Variants in WDR49 observed in about 807,000 individuals in gnomAD.
WDR49 encodes WD repeat domain 49, also known as cilia- and flagella-associated protein 337.
A neutral mutation model predicts 119.5 loss-of-function variants in WDR49; 107 were observed. That is an observed-to-expected ratio of 0.90 (90% CI 0.77 to 1.05). The LOEUF (loss-of-function observed/expected upper bound fraction) is 1.05. Ranked by LOEUF, WDR49 falls within the 50% of genes least tolerant of loss-of-function variation. The pLI, the probability that WDR49 is intolerant of heterozygous loss-of-function variation, is 0.00. For synonymous variants in WDR49, 425 were observed against 418.8 expected (o/e 1.01, Z -0.18); for missense variants, 1,240 against 1,220.5 (o/e 1.02, Z -0.24).
At chr3:167,521,105 G>T (rs1192521470) in intron 16 of WDR49, among the ~76,000 whole-genome samples, 1 of 151,994 alleles carries the variant, frequency 6.6e-6, no homozygotes, top group Non-Finnish European at 1.5e-5. Flanking sequence ...GGAAACAGTG[G>T]AAAAGTTGGT....
intron 8 of WDR49, among the ~76,000 whole-genome samples, chr3:167,574,903 T>C (rs2108282929): frequency 6.6e-6 from 1 of 152,286 alleles, no homozygotes; most frequent in South Asian, 2.1e-4. Context: ...TTCCCGCAGA[T>C]GGAATTCAAA....
chr3:167,530,906 A>T (rs183946215), intron 13 of WDR49, among the ~76,000 whole-genome samples: 1 of 152,188 alleles, frequency 6.6e-6, no homozygotes, highest in East Asian at 1.9e-4. Flanking sequence ...AACACTGGAT[A>T]AATTAGTAGT....
At position 167,527,951 on chromosome 3, in the gene WDR49, G is replaced by A. The variant is rs776466122; in HGVS notation, c.2473C>T (p.Pro825Ser). ...KAPTLIRSFQ[P>S]HEDRISSLEM... The stretch of plus-strand genomic sequence containing the variant: ...AAGGAACTTATTCGGTCCTCATGAG[G>A]TTGGAATGATCTTATCAGAGTTGGG... Residue 825 changes from proline (P) to serine (S), a missense_variant, in exon 15 of 19, where the codon CCT becomes TCT. Physicochemically the swap from Pro to Ser is moderately conservative, Grantham distance 74. Coordinates refer to ENST00000682715, the MANE Select transcript of WDR49 (RefSeq NM_001366157.1). 2 of 1,613,290 alleles carry A rather than the reference G, an allele frequency of 1.2e-6. No homozygotes were observed. Among genetic ancestry groups the A allele is most frequent in the East Asian group, 4.5e-5 (2 of 44,820 alleles).
chr3:167,615,861 AT>A (rs1437134225), intron 5 of WDR49, among the ~76,000 whole-genome samples: 1 of 152,320 alleles, frequency 6.6e-6, no homozygotes, highest in African/African-American at 2.4e-5. Flanking sequence ...TGATAAATAA[AT>A]TATCCATTGT....
At chr3:167,613,185 T>A (rs1226807365) in intron 5 of WDR49, among the ~76,000 whole-genome samples, 5 of 152,150 alleles carry the variant, frequency 3.3e-5, no homozygotes, top group Non-Finnish European at 5.9e-5. Context: ...CTACTCTGTA[T>A]CCACACACAC....
intron 17 of WDR49, among the ~76,000 whole-genome samples, chr3:167,503,057 A>T (rs1010253348): frequency 2.0e-5 from 3 of 152,196 alleles, no homozygotes; most frequent in African/African-American, 7.2e-5. Context: ...GCATAGAAGG[A>T]ATACACCACT....
At chr3:167,521,542 G>A (rs993686664) in intron 16 of WDR49, among the ~76,000 whole-genome samples, 8 of 152,090 alleles carry the variant, frequency 5.3e-5, no homozygotes, top group Admixed American at 3.3e-4. Flanking sequence ...AAGCATGGTG[G>A]GAGTTTTATA....
At chr3:167,525,119 C>T (rs1273623416) in intron 15 of WDR49, among the ~76,000 whole-genome samples, 1 of 152,094 alleles carries the variant, frequency 6.6e-6, no homozygotes, top group Non-Finnish European at 1.5e-5. Context: ...AGAGGTCCTT[C>T]ATGTCCCTTG....
At chr3:167,482,441 G>A (rs1046198757) in intron 18 of WDR49, among the ~76,000 whole-genome samples, 2 of 151,808 alleles carry the variant, frequency 1.3e-5, no homozygotes, top group East Asian at 1.9e-4. Flanking sequence ...AGGCCGAGGC[G>A]GGCGGATCAT....
chr3:167,519,672 T>C (rs1468720128), intron 16 of WDR49, among the ~76,000 whole-genome samples: 2 of 151,874 alleles, frequency 1.3e-5, no homozygotes. Context: ...TCATGAAAAA[T>C]TGCTACTGCA....
chr3:167,527,670 G>A (rs1752684260), intron 15 of WDR49, 150 bp downstream of exon 15: 2 of 760,568 alleles, frequency 2.6e-6, no homozygotes, highest in Admixed American at 2.9e-5. Context: ...AACAGGGCAA[G>A]AGTCGCCTGG....
At chr3:167,602,389 G>T in intron 6 of WDR49, 114 bp from the exon 7 acceptor site, 1 of 910,498 alleles carries the variant, frequency 1.1e-6, no homozygotes, top group Non-Finnish European at 1.6e-6. Flanking sequence ...TCAACTGTAG[G>T]TTGACTAATG....
intron 18 of WDR49, among the ~76,000 whole-genome samples, chr3:167,481,705 C>A (rs1750723543): frequency 6.6e-6 from 1 of 152,112 alleles, no homozygotes. Context: ...AGGCAAAAAG[C>A]ACTTCTTACA....
In WDR49 at chr3:167,626,894, G is replaced by A. The variant is rs1055982018; in HGVS notation, c.564C>T (p.His188=). The change falls in exon 3 of 19, where the codon CAC becomes CAT. Residue 188 remains histidine, a synonymous_variant. Transcript: ENST00000682715. ...GAGAAACCAGACTTGTCACCCACAG[G>A]TGTTTGAGCTTGGTGGCATCTGAAG... ...PITSDATKLK[H]LWVTSLVSLE... is the part of the protein sequence containing the mutation. 1.2e-5 allele frequency: 15 copies of A among 1,261,138 alleles called. No individual in the cohort carries two copies. In the African/African-American group the frequency reaches 1.5e-4, roughly 13 times the overall value. 78.1% of individuals were successfully genotyped at this position (1,261,138 alleles called of 1,614,324 possible).
chr3:167,549,659 T>C (rs1577233044), intron 10 of WDR49, among the ~76,000 whole-genome samples: 1 of 152,340 alleles, frequency 6.6e-6, no homozygotes, highest in East Asian at 1.9e-4. Flanking sequence ...TTCACTCTGA[T>C]GGTAGTTTCT....
rs111942957 is a variant in WDR49 at position 167,624,609 on chromosome 3, A to G, written c.606+2243T>C. Among the ~76,000 whole-genome samples the G allele has an allele frequency of 8.8e-3, 1,340 of 152,164 alleles. 18 individuals are homozygous for G. The highest frequency in any genetic ancestry group is 0.027 in the African/African-American group (1,141 of 41,538). On this transcript the variant is annotated intron_variant, in intron 3 of 18. Coordinates refer to ENST00000682715, the MANE Select transcript of WDR49 (RefSeq NM_001366157.1). ...CTTGGGACACTTTCATATGTGCAGT[A>G]TATTTTGTATAATTATATTTCAATA...
intron 8 of WDR49, among the ~76,000 whole-genome samples, chr3:167,573,546 T>G (rs570651249): frequency 6.6e-6 from 1 of 152,234 alleles, no homozygotes; most frequent in East Asian, 1.9e-4. Context: ...AGAACAATGC[T>G]GTTATCACAC....
At chr3:167,610,311 C>A (rs1334064296) in intron 5 of WDR49, among the ~76,000 whole-genome samples, 2 of 152,176 alleles carry the variant, frequency 1.3e-5, no homozygotes, top group African/African-American at 2.4e-5. Flanking sequence ...GAGTCCACTG[C>A]CCTGAAGGGT....
intron 7 of WDR49, among the ~76,000 whole-genome samples, chr3:167,583,531 TAAA>T (rs962426463): frequency 6.6e-6 from 1 of 151,664 alleles, no homozygotes; most frequent in East Asian, 1.9e-4. Context: ...CCTGTCTCTA[TAAA>T]AAAAATCCAG....
Sources: gnomAD v4.1 joint callset for allele counts (sites outside exome capture counted in the v4.1 genomes callset) on GRCh38, gnomAD v4.1.1 for gene constraint, MANE v1.5 for transcripts, NCBI Gene and HGNC (gene_info 2026-07-23, HGNC 2026-07-21) for gene names.